Variants in ITGAE observed in about 807,000 individuals in gnomAD.
The protein encoded by ITGAE is integrin subunit alpha E, also known as integrin alpha-E.
Under a neutral mutation model 136.5 loss-of-function variants are expected in ITGAE, and 99 were observed. The ratio of observed to expected loss-of-function variants is 0.73; its 90% confidence interval spans 0.62 to 0.86. The LOEUF (loss-of-function observed/expected upper bound fraction) is 0.86. Ranked by LOEUF, ITGAE falls within the 40% of genes least tolerant of loss-of-function variation. ITGAE has a pLI of 0.00. For missense variants in ITGAE, 1,447 were observed against 1,515.3 expected, an observed-to-expected ratio of 0.95 and a Z score of 0.75; for synonymous variants, 613 against 591.8, an observed-to-expected ratio of 1.04 and a Z score of -0.52.
At chr17:3,787,108 A>ATT (rs71155803) in intron 1 of ITGAE, among the ~76,000 whole-genome samples, 38 of 149,690 alleles carry the variant, frequency 2.5e-4, no homozygotes, top group Non-Finnish European at 4.7e-4. Flanking sequence ...ATCAGAGGGA[A>ATT]TTTTTTTTTC....
intron 9 of ITGAE, among the ~76,000 whole-genome samples, chr17:3,757,390 C>G (rs2052054793): frequency 6.6e-6 from 1 of 152,182 alleles, no homozygotes; most frequent in East Asian, 1.9e-4. Flanking sequence ...TGCAGGGCCC[C>G]TCTCTGCCTC....
chr17:3,784,257 C>T (rs2052733474), intron 1 of ITGAE: 1 of 328,730 alleles, frequency 3.0e-6, no homozygotes, highest in South Asian at 2.3e-5. Flanking sequence ...AAGACTCCAT[C>T]TCAAAAAAAT....
chr17:3,753,102 C>T (rs1334576957), intron 14 of ITGAE, among the ~76,000 whole-genome samples, 188 bp downstream of exon 14: 1 of 152,192 alleles, frequency 6.6e-6, no homozygotes, highest in Non-Finnish European at 1.5e-5. Flanking sequence ...TCAACGATCA[C>T]CCTTGGGTAA....
intron 1 of ITGAE, among the ~76,000 whole-genome samples, chr17:3,795,669 C>T (rs1413529860): frequency 1.3e-5 from 2 of 152,244 alleles, no homozygotes; most frequent in African/African-American, 4.8e-5. Flanking sequence ...CTGCTCCTGC[C>T]GTGCGGCGGC....
rs145651165 is a variant in ITGAE at position 3,750,383 on chromosome 17, C to T, written c.1993G>A (p.Val665Met). ...ACAACCGCCTGGCCCAGAGTGCCCA[C>T]GGTGATGTCGGCAAGGCCGTCGCCA... ...ISGDGLADIT[V>M]GTLGQAVVFR... Residue 665 changes from valine to methionine, a missense_variant, in exon 16 of 31, where the codon GTG becomes ATG. Val to Met is a conservative substitution (Grantham distance 21, BLOSUM62 1). Transcript: ENST00000263087. The T allele has an allele frequency of 5.6e-6, 9 of 1,614,046 alleles. No homozygotes were observed. The highest frequency in any genetic ancestry group is 3.3e-4 in the Middle Eastern group (2 of 6,084).
intron 10 of ITGAE, 83 bp from the exon 11 acceptor site, chr17:3,755,980 C>T: frequency 2.2e-6 from 3 of 1,358,972 alleles, no homozygotes; most frequent in Non-Finnish European, 3.1e-6. Flanking sequence ...AGCTTGGCCT[C>T]ACTCCCAGAA....
At chr17:3,733,657 G>A (rs996060548) in intron 21 of ITGAE, among the ~76,000 whole-genome samples, 2 of 152,148 alleles carry the variant, frequency 1.3e-5, no homozygotes, top group Non-Finnish European at 2.9e-5. Flanking sequence ...CTGACCTCAG[G>A]TGATCCGCCC....
rs970334243 is a variant in ITGAE at position 3,799,286 on chromosome 17, C to T, written c.34+1825G>A. Among the ~76,000 whole-genome samples the T allele has an allele frequency of 5.9e-5, 9 of 152,178 alleles. No homozygotes were observed. The highest frequency in any genetic ancestry group is 2.1e-4 in the South Asian group (1 of 4,830). On this transcript the variant is annotated intron_variant, in intron 1 of 30. Coordinates refer to ENST00000263087, the MANE Select transcript of ITGAE (RefSeq NM_002208.5). This position sits in a 1 kb window ranked among gnomAD's most constrained non-coding sequence, Gnocchi z 4.1. ...GCAGCCTCGTTTCCGCCACCCACACCGGAGCTGCGGGGGCCCTGCTCTGGT... is the reference window on the plus strand; with the variant it reads ...GCAGCCTCGTTTCCGCCACCCACACTGGAGCTGCGGGGGCCCTGCTCTGGT...
chr17:3,729,040 TAAAA>T (rs368373828), intron 24 of ITGAE, among the ~76,000 whole-genome samples: 37 of 142,062 alleles, frequency 2.6e-4, no homozygotes, highest in African/African-American at 4.8e-4. Flanking sequence ...CGTCTCAGTT[TAAAA>T]AAAAAAAAAA....
At chr17:3,797,481 G>A (rs1409715073) in intron 1 of ITGAE, among the ~76,000 whole-genome samples, 1 of 119,272 alleles carries the variant, frequency 8.4e-6, no homozygotes, top group African/African-American at 3.6e-5. Context: ...TTTTTTTTGA[G>A]ACGGTGTCTC....
At chr17:3,797,981 G>A (rs778016065) in intron 1 of ITGAE, among the ~76,000 whole-genome samples, 50 of 152,140 alleles carry the variant, frequency 3.3e-4, no homozygotes, top group Non-Finnish European at 1.5e-4. Flanking sequence ...CCCCCAGGCC[G>A]GCACTCAGGT....
intron 29 of ITGAE, among the ~76,000 whole-genome samples, chr17:3,719,279 C>T (rs1338202391): frequency 7.5e-6 from 1 of 132,506 alleles, no homozygotes; most frequent in African/African-American, 3.5e-5. Flanking sequence ...AAAAGAAATA[C>T]ACTACTTAAA....
At chr17:3,740,535 C>T (rs1035439477) in intron 19 of ITGAE, among the ~76,000 whole-genome samples, 1 of 152,234 alleles carries the variant, frequency 6.6e-6, no homozygotes, top group African/African-American at 2.4e-5. Flanking sequence ...TGCCACCACG[C>T]CTGGCTAACT....
chr17:3,764,911 C>T (rs931964188), intron 2 of ITGAE, among the ~76,000 whole-genome samples: 2 of 152,020 alleles, frequency 1.3e-5, no homozygotes, highest in African/African-American at 2.4e-5. Flanking sequence ...CAGTGAGCTC[C>T]GGGGGTTGTC....
At position 3,757,763 on chromosome 17, in the gene ITGAE, G is replaced by A. The variant is rs1415608937; in HGVS notation, c.963C>T (p.Asn321=). ...TDGGIFEDPL[N]LTTVINSPKM... is the part of the protein sequence containing the mutation. ...TGGGGGAGTTGATGACTGTCGTAAGGTTGAGGGGGTCCTCGAATATGCCAC... is the reference window on the plus strand; with the variant it reads ...TGGGGGAGTTGATGACTGTCGTAAGATTGAGGGGGTCCTCGAATATGCCAC... The change falls in exon 9 of 31, where the codon AAC becomes AAT. Residue 321 remains asparagine, a synonymous_variant. Coordinates refer to ENST00000263087, the MANE Select transcript of ITGAE (RefSeq NM_002208.5). The A allele has an allele frequency of 6.2e-7, 1 of 1,614,134 alleles. No homozygotes were observed. The highest frequency in any genetic ancestry group is 1.3e-5 in the African/African-American group (1 of 75,024).
At chr17:3,734,227 C>A (rs554359777) in intron 21 of ITGAE, among the ~76,000 whole-genome samples, 66 of 92,098 alleles carry the variant, frequency 7.2e-4, no homozygotes, top group African/African-American at 4.0e-3. Context: ...CCCGCCATCG[C>A]GCCCAGCTAA....
chr17:3,780,399 G>A (rs1402387632), intron 1 of ITGAE, among the ~76,000 whole-genome samples: 3 of 151,852 alleles, frequency 2.0e-5, no homozygotes, highest in African/African-American at 7.3e-5. Flanking sequence ...TCCTGACCTC[G>A]TGATCCGCCC....
At chr17:3,731,785 C>T (rs138557129) in intron 22 of ITGAE, among the ~76,000 whole-genome samples, 19 of 151,884 alleles carry the variant, frequency 1.3e-4, no homozygotes, top group African/African-American at 2.9e-4. Flanking sequence ...AATAACTTTT[C>T]GTCTTGGCCG....
At chr17:3,735,894 A>G (rs577807332) in intron 20 of ITGAE, among the ~76,000 whole-genome samples, 8 of 152,240 alleles carry the variant, frequency 5.3e-5, no homozygotes, top group Non-Finnish European at 8.8e-5. Flanking sequence ...CTGTCATCCC[A>G]ACACTTTGGG....
Sources: allele counts gnomAD v4.1 joint callset (sites outside exome capture counted in the v4.1 genomes callset), GRCh38; gene constraint gnomAD v4.1.1; non-coding constraint Gnocchi (gnomAD v3.1); transcripts MANE v1.5; gene names NCBI Gene and HGNC (gene_info 2026-07-23, HGNC 2026-07-21).